The following MIPOL1 variants were observed in gnomAD, a reference collection of about 807,000 sequenced individuals.
MIPOL1 encodes the protein mirror-image polydactyly gene 1 protein.
Under a neutral mutation model 60.9 loss-of-function variants are expected in MIPOL1, and 57 were observed. The observed-to-expected ratio is 0.94, with a 90% CI of 0.76 to 1.17. The LOEUF (loss-of-function observed/expected upper bound fraction) is 1.17, where lower values mean the gene tolerates loss of function less well. Ranked by LOEUF, MIPOL1 falls within the 50% of genes most tolerant of loss-of-function variation. The pLI, the probability that MIPOL1 is intolerant of heterozygous loss-of-function variation, is 0.00. For synonymous variants in MIPOL1, 179 were observed against 168.8 expected (o/e 1.06, Z -0.47); for missense variants, 551 against 511.6 (o/e 1.08, Z -0.74).
At position 37,457,136 on chromosome 14, in the gene MIPOL1, G is replaced by T. The variant is rs556456051; in HGVS notation, c.1031+34187G>T. ...AAAGAATTGGCATCTGGGGACTTTG[G>T]TGTAGAGTATACAGTAGAAAATTCA... On this transcript the variant is annotated intron_variant, in intron 11 of 12. Transcript: ENST00000684589. Among the ~76,000 whole-genome samples the T allele has an allele frequency of 3.9e-5, 6 of 152,262 alleles. No homozygotes were observed. The East Asian group carries it at 1.2e-3, about 29-fold the overall frequency.
intron 5 of MIPOL1, among the ~76,000 whole-genome samples, chr14:37,269,919 C>T (rs1320082532): frequency 6.6e-6 from 1 of 152,076 alleles, no homozygotes. Context: ...TCTCCGCCTC[C>T]TGGGTTCAAG....
intron 6 of MIPOL1, among the ~76,000 whole-genome samples, chr14:37,282,784 A>T (rs2084232419): frequency 6.9e-6 from 1 of 144,874 alleles, no homozygotes; most frequent in Admixed American, 6.9e-5. Flanking sequence ...GGTAGTTATG[A>T]TTTATTTCTT....
intron 3 of MIPOL1, among the ~76,000 whole-genome samples, chr14:37,265,669 G>T (rs985474316): frequency 1.3e-4 from 20 of 152,122 alleles, no homozygotes; most frequent in African/African-American, 4.8e-4. Flanking sequence ...AAGACAGGCA[G>T]GAAAATTTTT....
intron 3 of MIPOL1, among the ~76,000 whole-genome samples, chr14:37,254,111 CAGCAAGG>C (rs769836674): frequency 2.2e-4 from 34 of 151,704 alleles, no homozygotes; most frequent in Non-Finnish European, 4.1e-4. Context: ...GGCAGCTGGC[CAGCAAGG>C]ATTGATTCAT....
intron 11 of MIPOL1, among the ~76,000 whole-genome samples, chr14:37,488,847 C>G (rs935203768): frequency 1.3e-5 from 2 of 152,190 alleles, no homozygotes; most frequent in South Asian, 4.2e-4. Context: ...GTAACCTGAC[C>G]TTTCTCTCTG....
At chr14:37,525,560 C>T (rs1644960636) in intron 12 of MIPOL1, among the ~76,000 whole-genome samples, 1 of 152,092 alleles carries the variant, frequency 6.6e-6, no homozygotes, top group African/African-American at 2.4e-5. Flanking sequence ...TAATCAGATC[C>T]ATATCCCTCA....
chr14:37,385,679 T>C (rs2093046882), intron 10 of MIPOL1: 1 of 152,090 alleles, frequency 6.6e-6, no homozygotes, highest in Non-Finnish European at 1.5e-5. Flanking sequence ...AATGCATGAT[T>C]TATATAATCT....
chr14:37,256,124 A>T (rs1161917641), intron 3 of MIPOL1, among the ~76,000 whole-genome samples: 2 of 151,918 alleles, frequency 1.3e-5, no homozygotes. Flanking sequence ...CAGTTTTAGT[A>T]TAGAAATATA....
At chr14:37,465,229 T>G (rs909593821) in intron 11 of MIPOL1, among the ~76,000 whole-genome samples, 3 of 152,312 alleles carry the variant, frequency 2.0e-5, no homozygotes, top group African/African-American at 7.2e-5. Flanking sequence ...CTCCTTGAAG[T>G]TGGAACATGG....
chr14:37,445,900 T>G (rs904802356), intron 11 of MIPOL1, among the ~76,000 whole-genome samples: 13 of 152,106 alleles, frequency 8.5e-5, no homozygotes, highest in African/African-American at 3.1e-4. Context: ...ATCCCTTCCT[T>G]ACACCTTATA....
intron 10 of MIPOL1, among the ~76,000 whole-genome samples, chr14:37,402,832 A>G (rs2093511218): frequency 6.6e-6 from 1 of 152,182 alleles, no homozygotes; most frequent in Non-Finnish European, 1.5e-5. Context: ...TGTGACTTTG[A>G]AACAGGTTTC....
intron 3 of MIPOL1, among the ~76,000 whole-genome samples, chr14:37,261,023 T>A (rs961330879): frequency 6.6e-6 from 1 of 152,088 alleles, no homozygotes; most frequent in Admixed American, 6.6e-5. Context: ...TCAGAATCTT[T>A]CCTGAATGTC....
chr14:37,268,766 G>T lies in MIPOL1; in HGVS notation c.360G>T (p.Leu120Phe), dbSNP rs2083070050. 6.3e-7 allele frequency: 1 copy of T among 1,590,726 alleles called. No individual in the cohort carries two copies. The highest frequency in any genetic ancestry group is 1.1e-5 in the South Asian group (1 of 88,226). Reference sequence around the variant, plus strand: ...CAATAGCATTTCTTCTAAAAGAATTGGATATTCTCAGAACAAGCAATAAAA... The same window carrying T: ...CAATAGCATTTCTTCTAAAAGAATTTGATATTCTCAGAACAAGCAATAAAA... ...EKTIAFLLKE[L>F]DILRTSNKKL... The change falls in exon 5 of 13, where the codon TTG becomes TTT. Residue 120 changes from leucine (L) to phenylalanine (F), a missense_variant. Leu to Phe is a conservative substitution (Grantham distance 22, BLOSUM62 0). Coordinates refer to ENST00000684589, the MANE Select transcript of MIPOL1 (RefSeq NM_001388067.1).
intron 7 of MIPOL1, among the ~76,000 whole-genome samples, chr14:37,296,438 A>C (rs1195895415): frequency 6.6e-6 from 1 of 152,228 alleles, no homozygotes; most frequent in African/African-American, 2.4e-5. Context: ...AGCATAAGGC[A>C]AGAAATAACT....
chr14:37,440,631 A>G (rs900736454), intron 11 of MIPOL1, among the ~76,000 whole-genome samples: 3 of 152,172 alleles, frequency 2.0e-5, no homozygotes, highest in African/African-American at 7.2e-5. Context: ...GCTGAGTAGT[A>G]TTCTATTGTG....
intron 11 of MIPOL1, among the ~76,000 whole-genome samples, chr14:37,428,902 C>G (rs2094012327): frequency 6.6e-6 from 1 of 152,118 alleles, no homozygotes; most frequent in South Asian, 2.1e-4. Context: ...AGATATTAAA[C>G]TTACCACTGT....
chr14:37,232,454 A>G (rs1970779706), intron 1 of MIPOL1, among the ~76,000 whole-genome samples: 1 of 152,198 alleles, frequency 6.6e-6, no homozygotes, highest in Non-Finnish European at 1.5e-5. Context: ...GGAGAAACAT[A>G]CTAGTATTCC....
intron 1 of MIPOL1, among the ~76,000 whole-genome samples, chr14:37,232,380 C>G (rs2086254226): frequency 6.6e-6 from 1 of 152,264 alleles, no homozygotes; most frequent in Admixed American, 6.5e-5. Context: ...TAGTATCTTG[C>G]TACACATGTT....
chr14:37,362,123 T>A (rs894787729), intron 9 of MIPOL1, among the ~76,000 whole-genome samples: 2 of 152,160 alleles, frequency 1.3e-5, no homozygotes, highest in Admixed American at 6.6e-5. Flanking sequence ...AAGGTTAATA[T>A]TGTTATGTGT....
Sources: allele counts gnomAD v4.1 joint callset (sites outside exome capture counted in the v4.1 genomes callset), GRCh38; gene constraint gnomAD v4.1.1; transcripts MANE v1.5; gene names NCBI Gene and HGNC (gene_info 2026-07-23, HGNC 2026-07-21).